The following CALML4 variants were observed in gnomAD, a reference collection of about 807,000 sequenced individuals.
CALML4 encodes calmodulin like 4.
A neutral mutation model predicts 17.9 loss-of-function variants in CALML4; 16 were observed. The ratio of observed to expected loss-of-function variants is 0.89; its 90% CI spans 0.61 to 1.36. CALML4 has a LOEUF of 1.36. Ranked by LOEUF, CALML4 falls within the 40% of genes most tolerant of loss-of-function variation. The pLI is 0.00. For missense variants in CALML4, 203 were observed against 194.8 expected, an observed-to-expected ratio of 1.04 and a Z score of -0.25; for synonymous variants, 86 against 71.5, an observed-to-expected ratio of 1.20 and a Z score of -1.02.
chr15:68,205,091 GT>G lies in CALML4; in HGVS notation c.34+29del, dbSNP rs2093177948. On this transcript the variant is annotated intron_variant, in intron 2 of 4. Transcript: ENST00000467889. The surrounding 1 kb of genome is among the most constrained non-coding windows in gnomAD (Gnocchi z 4.8). ...CCTAATGAGACCCATATTTTGCTGA[GT>G]TGCTAATCAAAGAACAAACCCAACC... 1.2e-6 allele frequency: 2 copies of G among 1,613,082 alleles called. No individual in the cohort carries two copies. The highest frequency in any genetic ancestry group is 3.3e-5 in the Admixed American group (2 of 59,982).
chr15:68,191,822 C>T lies in CALML4; in HGVS notation c.*2193G>A, dbSNP rs890110665. The T allele has an allele frequency of 2.0e-5, 3 of 152,122 alleles. No individual in the cohort carries two copies. The highest frequency in any genetic ancestry group is 1.9e-4 in the East Asian group (1 of 5,196). 9.4% of individuals were successfully genotyped at this position (152,122 alleles called of 1,614,324 possible). A position where few individuals can be genotyped will look rare whatever the true frequency, so the allele number is the denominator to read the frequency against. ...CAGGAGTAAGGTAACAGCCCTTCCT[C>T]GGGTAGAGGTTTGAATCAAACACTT... On this transcript the variant is annotated 3_prime_UTR_variant, in exon 5 of 5. Transcript: ENST00000467889.
Position 68,199,565 on chromosome 15 carries a change from G to C in CALML4, c.151C>G (p.Arg51Gly). 6.2e-7 allele frequency: 1 copy of C among 1,613,462 alleles called. No homozygotes were observed. Among genetic ancestry groups the C allele is most frequent in the Non-Finnish European group, 8.5e-7 (1 of 1,179,894 alleles). ...GASPTPGEVQ[R>G]HLQTHGIDGN... ...CCTATCCCGTGGGTCTGCAGGTGCC[G>C]CTGCACCTCCCCTGGCGTCGGGCTG... Residue 51 changes from arginine (R) to glycine (G), a missense_variant, in exon 3 of 5, where the codon CGG (arginine) becomes GGG (glycine). Arg to Gly is a moderately radical substitution (Grantham distance 125). Transcript: ENST00000467889.
chr15:68,194,507 C>A (rs1374336980), intron 4 of CALML4, among the ~76,000 whole-genome samples: 1 of 151,882 alleles, frequency 6.6e-6, no homozygotes, highest in Non-Finnish European at 1.5e-5. Context: ...CCTCAGGCTC[C>A]TGAGTAGCTG....
rs1340742488 is a variant in CALML4 at position 68,204,932 on chromosome 15, T to G, written c.34+189A>C. On this transcript the variant is annotated intron_variant, in intron 2 of 4. Transcript: ENST00000467889. The surrounding 1 kb of genome is among the most constrained non-coding windows in gnomAD (Gnocchi z 6.0). Reference sequence around the variant, plus strand: ...TCACACTGACAAGTATAAAGCCACATGTCTATTTTGGAGGCTTACCCCCAA... The same window carrying G: ...TCACACTGACAAGTATAAAGCCACAGGTCTATTTTGGAGGCTTACCCCCAA... 1.3e-5 allele frequency among the ~76,000 whole-genome samples: 2 copies of G among 152,026 alleles called. No homozygotes were observed. Among genetic ancestry groups the G allele is most frequent in the Non-Finnish European group, 2.9e-5 (2 of 67,992 alleles).
chr15:68,200,253 T>C lies in CALML4; in HGVS notation c.35-572A>G, dbSNP rs1050774351. Reference sequence around the variant, plus strand: ...AGAGAGTGGCCTTCATATGATGATATTATCATCATCATCAGAGCTGGGGCA... The same window carrying C: ...AGAGAGTGGCCTTCATATGATGATACTATCATCATCATCAGAGCTGGGGCA... On this transcript the variant is annotated intron_variant, in intron 2 of 4. Transcript: ENST00000467889. The surrounding 1 kb of genome is among the most constrained non-coding windows in gnomAD (Gnocchi z 4.3). Among the ~76,000 whole-genome samples the C allele has an allele frequency of 2.6e-5, 4 of 152,196 alleles. No individual in the cohort carries two copies. Among genetic ancestry groups the C allele is most frequent in the South Asian group, 2.1e-4 (1 of 4,836 alleles).
In CALML4 at chr15:68,197,388, T is replaced by A; in HGVS notation, c.364+52A>T. ...ATCAGCTAGGCTTTGGTGCCCTCCT[T>A]CCAACTCCCTAACCCCCTCCAACTG... is the stretch of plus-strand genomic sequence containing the variant. On this transcript the variant is annotated intron_variant, in intron 4 of 4. Transcript: ENST00000467889. This position sits in a 1 kb window ranked among gnomAD's most constrained non-coding sequence, Gnocchi z 4.1. 2.5e-6 allele frequency: 4 copies of A among 1,570,268 alleles called. No homozygotes were observed. Among genetic ancestry groups the A allele is most frequent in the Non-Finnish European group, 2.6e-6 (3 of 1,155,552 alleles).
Position 68,200,295 on chromosome 15 carries a change from C to G in CALML4, c.35-614G>C, listed in dbSNP as rs1283736736. ...GCTGGGGCATTTCTGAGCCTATTGC[C>G]CCTGCCCTGGCCTCCAGGCTGCTAA... On this transcript the variant is annotated intron_variant, in intron 2 of 4. Coordinates refer to ENST00000467889, the MANE Select transcript of CALML4 (RefSeq NM_033429.3). This position sits in a 1 kb window ranked among gnomAD's most constrained non-coding sequence, Gnocchi z 4.3. Among the ~76,000 whole-genome samples the G allele has an allele frequency of 6.6e-6, 1 of 152,192 alleles. No homozygotes were observed. Among genetic ancestry groups the G allele is most frequent in the Non-Finnish European group, 1.5e-5 (1 of 68,036 alleles).
chr15:68,193,884 C>T lies in CALML4; in HGVS notation c.*131G>A. On this transcript the variant is annotated 3_prime_UTR_variant, in exon 5 of 5. Coordinates refer to ENST00000467889, the MANE Select transcript of CALML4 (RefSeq NM_033429.3). ...ATCTATTATTGTTGCTAGTTAGCCTCTCTTCTATAGTTGGGTAATGTTGTC... is the reference window on the plus strand; with the variant it reads ...ATCTATTATTGTTGCTAGTTAGCCTTTCTTCTATAGTTGGGTAATGTTGTC... The T allele has an allele frequency of 1.6e-6, 1 of 633,120 alleles. No homozygotes were observed. The highest frequency in any genetic ancestry group is 2.0e-5 in the South Asian group (1 of 51,166). The allele number at this position is 633,120 out of a possible 1,614,324, so 39.2% of individuals were successfully genotyped here.
intron 3 of CALML4, 119 bp downstream of exon 3, chr15:68,199,422 G>T: frequency 2.6e-6 from 3 of 1,135,682 alleles, no homozygotes; most frequent in South Asian, 1.7e-5. Context: ...GCCACAGCTG[G>T]ATCCCCAGGA....
Position 68,199,687 on chromosome 15 carries a change from C to T in CALML4, c.35-6G>A, listed in dbSNP as rs2093158842. The T allele has an allele frequency of 1.9e-6, 3 of 1,612,636 alleles. No individual in the cohort carries two copies. Among genetic ancestry groups the T allele is most frequent in the East Asian group, 4.5e-5 (2 of 44,768 alleles). On this transcript the variant is annotated splice_polypyrimidine_tract_variant and splice_region_variant and intron_variant, in intron 2 of 4. Coordinates refer to ENST00000467889, the MANE Select transcript of CALML4 (RefSeq NM_033429.3). ...GGAGAAGCATTCCTTGTACTCTGCA[C>T]ACGGCCCAGAGGGAGGGTCAGCAGC... is the stretch of plus-strand genomic sequence containing the variant.
rs1241000979 is a variant in CALML4 at position 68,192,663 on chromosome 15, T to G, written c.*1352A>C. 6.6e-6 allele frequency: 1 copy of G among 152,232 alleles called. No individual in the cohort carries two copies. Among genetic ancestry groups the G allele is most frequent in the Admixed American group, 6.5e-5 (1 of 15,288 alleles). 9.4% of individuals were successfully genotyped at this position (152,232 alleles called of 1,614,324 possible). A position where few individuals can be genotyped will look rare whatever the true frequency, so the allele number is the denominator to read the frequency against. On this transcript the variant is annotated 3_prime_UTR_variant, in exon 5 of 5. Transcript: ENST00000467889. ...AGTTGCACTAACACTACAACTCTTGTTCCCTGCAGTTTTCCCTGTGCCCGG... is the reference window on the plus strand; with the variant it reads ...AGTTGCACTAACACTACAACTCTTGGTCCCTGCAGTTTTCCCTGTGCCCGG...
Position 68,204,887 on chromosome 15 carries a change from T to C in CALML4, c.34+234A>G, listed in dbSNP as rs1820098763. ...GGAGGGAAACCTAGTAAGTTCTGTC[T>C]TAGCGCCCTGGCTTGTAAGTCACAC... is the stretch of plus-strand genomic sequence containing the variant. On this transcript the variant is annotated intron_variant, in intron 2 of 4. Transcript: ENST00000467889. The surrounding 1 kb of genome is among the most constrained non-coding windows in gnomAD (Gnocchi z 6.0). Among the ~76,000 whole-genome samples the C allele has an allele frequency of 6.6e-6, 1 of 152,084 alleles. No homozygotes were observed.
In CALML4 at chr15:68,191,733, T is replaced by G. The variant is rs1241199038; in HGVS notation, c.*2282A>C. On this transcript the variant is annotated 3_prime_UTR_variant, in exon 5 of 5. Transcript: ENST00000467889. ...AATGCTAAGAGCACCGTGGCCTTCT[T>G]GTAAACAACACTAGGTGCTAGAGAA... 1 of 152,278 alleles carries G rather than the reference T, an allele frequency of 6.6e-6. No individual in the cohort carries two copies. Among genetic ancestry groups the G allele is most frequent in the Non-Finnish European group, 1.5e-5 (1 of 68,034 alleles). 9.4% of individuals were successfully genotyped at this position (152,278 alleles called of 1,614,324 possible).
At position 68,197,714 on chromosome 15, in the gene CALML4, C is replaced by A. The variant is rs1041863340; in HGVS notation, c.176-86G>T. On this transcript the variant is annotated intron_variant, in intron 3 of 4. Coordinates refer to ENST00000467889, the MANE Select transcript of CALML4 (RefSeq NM_033429.3). This position sits in a 1 kb window ranked among gnomAD's most constrained non-coding sequence, Gnocchi z 4.1. ...TGGCCTCCTGCTGGACCTGCACAGC[C>A]GGTTCAAGGTCAACTGACCAGGGAA... 3 of 1,248,472 alleles carry A rather than the reference C, an allele frequency of 2.4e-6. No individual in the cohort carries two copies. Among genetic ancestry groups the A allele is most frequent in the Middle Eastern group, 1.9e-4 (1 of 5,190 alleles). 77.3% of individuals were successfully genotyped at this position (1,248,472 alleles called of 1,614,324 possible). A position where few individuals can be genotyped will look rare whatever the true frequency, so the allele number is the denominator to read the frequency against.
chr15:68,200,349 C>T lies in CALML4; in HGVS notation c.35-668G>A, dbSNP rs75483857. Among the ~76,000 whole-genome samples, 1 of 152,200 alleles carries T rather than the reference C, an allele frequency of 6.6e-6. No homozygotes were observed. Among genetic ancestry groups the T allele is most frequent in the Non-Finnish European group, 1.5e-5 (1 of 68,034 alleles). On this transcript the variant is annotated intron_variant, in intron 2 of 4. Coordinates refer to ENST00000467889, the MANE Select transcript of CALML4 (RefSeq NM_033429.3). The surrounding 1 kb of genome is among the most constrained non-coding windows in gnomAD (Gnocchi z 4.3). ...CTCAAGCTGTCCTTGGACTCGGGCC[C>T]TGGTCCTGTTCTTAGAGACTTCAAA...
At position 68,197,460 on chromosome 15, in the gene CALML4, T is replaced by TC. The variant is rs1567089693; in HGVS notation, c.343dup (p.Glu115GlyfsTer10). ...GTTACCTTCCTTGTGGGTGAGCTTCTCCCCCAGACTCGTGAGTTTTGACCG... is the reference window on the plus strand; with the variant it reads ...GTTACCTTCCTTGTGGGTGAGCTTCTCCCCCCAGACTCGTGAGTTTTGACCG... On this transcript the variant is annotated frameshift_variant, in exon 4 of 5. Coordinates refer to ENST00000467889, the MANE Select transcript of CALML4 (RefSeq NM_033429.3). LOFTEE classifies it high-confidence loss of function. This position sits in a 1 kb window ranked among gnomAD's most constrained non-coding sequence, Gnocchi z 4.1. 1.2e-6 allele frequency: 2 copies of TC among 1,613,858 alleles called. No homozygotes were observed. The highest frequency in any genetic ancestry group is 2.2e-5 in the East Asian group (1 of 44,854).
At position 68,205,212 on chromosome 15, in the gene CALML4, C is replaced by G; in HGVS notation, c.3+33G>C. On this transcript the variant is annotated intron_variant, in intron 1 of 4. Coordinates refer to ENST00000467889, the MANE Select transcript of CALML4 (RefSeq NM_033429.3). This position sits in a 1 kb window ranked among gnomAD's most constrained non-coding sequence, Gnocchi z 4.8. ...TCCACCTGAGGTTCACGCCCCCAGCCCTGGCCAGGCCGACACAGACCCTCA... is the reference window on the plus strand; with the variant it reads ...TCCACCTGAGGTTCACGCCCCCAGCGCTGGCCAGGCCGACACAGACCCTCA... The G allele has an allele frequency of 6.2e-7, 1 of 1,614,170 alleles. No homozygotes were observed. The highest frequency in any genetic ancestry group is 1.1e-5 in the South Asian group (1 of 91,086).
intron 2 of CALML4, among the ~76,000 whole-genome samples, chr15:68,202,053 A>C (rs1202238199): frequency 6.6e-6 from 1 of 152,240 alleles, no homozygotes; most frequent in Non-Finnish European, 1.5e-5. Context: ...AAGGGACACA[A>C]ACATTTGTTG....
chr15:68,193,999 C>G lies in CALML4; in HGVS notation c.*16G>C, dbSNP rs756163206. 6.3e-7 allele frequency: 1 copy of G among 1,575,690 alleles called. No homozygotes were observed. The highest frequency in any genetic ancestry group is 1.1e-5 in the South Asian group (1 of 90,236). On this transcript the variant is annotated 3_prime_UTR_variant, in exon 5 of 5. Coordinates refer to ENST00000467889, the MANE Select transcript of CALML4 (RefSeq NM_033429.3). ...CAAGTTTTCAGGCCCAGGGGAGGCT[C>G]TCCCATTCTCCTCCTTCAATAGTCC...
Sources: gnomAD v4.1 joint callset for allele counts (sites outside exome capture counted in the v4.1 genomes callset) on GRCh38, gnomAD v4.1.1 for gene constraint, Gnocchi (gnomAD v3.1) non-coding constraint, MANE v1.5 for transcripts, NCBI Gene and HGNC (gene_info 2026-07-23, HGNC 2026-07-21) for gene names.